FOCAD: variants seen among roughly 807,000 people sequenced by gnomAD.
FOCAD encodes KIAA1797.
A neutral mutation model predicts 225.6 loss-of-function variants in FOCAD; 198 were observed. That is an observed-to-expected ratio of 0.88 (90% confidence interval 0.78 to 0.99). The LOEUF is 0.99. FOCAD is among the 50% of genes least tolerant of loss of function. The probability of loss-of-function intolerance (pLI) is 0.00; values close to 1 mark genes in which losing one functional copy is unlikely to be tolerated. For missense variants in FOCAD, 2,713 were observed against 2,123.6 expected, an observed-to-expected ratio of 1.28 and a Z score of -5.46; for synonymous variants, 897 against 755.0, an observed-to-expected ratio of 1.19 and a Z score of -3.08.
intron 10 of FOCAD, among the ~76,000 whole-genome samples, chr9:20,783,004 C>G (rs1038492212): frequency 6.6e-6 from 1 of 152,132 alleles, no homozygotes; most frequent in African/African-American, 2.4e-5. Context: ...AAAATCCGAT[C>G]AAAAAATTCT....
At position 20,865,970 on chromosome 9, in the gene FOCAD, A is replaced by C. The variant is rs1389490270; in HGVS notation, c.2100A>C (p.Gln700His). 1.2e-6 allele frequency: 2 copies of C among 1,607,584 alleles called. No homozygotes were observed. Among genetic ancestry groups the C allele is most frequent in the African/African-American group, 2.7e-5 (2 of 74,630 alleles). The change falls in exon 17 of 44, where the codon CAA (glutamine) becomes CAC (histidine). Residue 700 changes from glutamine to histidine, a missense_variant. Physicochemically the swap from Gln to His is conservative, Grantham distance 24. Transcript: ENST00000338382. ...QVLSFLWTHT[Q>H]NKDPIVANAA... is the part of the protein sequence containing the mutation. The stretch of plus-strand genomic sequence containing the variant: ...TCAGCTTCCTCTGGACTCATACTCA[A>C]AACAAGGTACTATCACAAGGCTTGT...
chr9:20,926,125 ATTTGTCAACTACCT>A (rs1834917349), intron 25 of FOCAD, among the ~76,000 whole-genome samples, 162 bp from the exon 26 acceptor site: 3 of 148,896 alleles, frequency 2.0e-5, no homozygotes, highest in Non-Finnish European at 4.5e-5. Flanking sequence ...GAGGATGTAT[ATTTGTCAACTACCT>A]GTATACCTCA....
At chr9:20,934,292 T>A (rs1293973255) in intron 28 of FOCAD, among the ~76,000 whole-genome samples, 1 of 152,202 alleles carries the variant, frequency 6.6e-6, no homozygotes, top group Non-Finnish European at 1.5e-5. Context: ...TAAGCCAATG[T>A]CTAGAAGGGT....
At chr9:20,658,658 A>G (rs1200408229) in intron 1 of FOCAD, 2 of 154,962 alleles carry the variant, frequency 1.3e-5, no homozygotes, top group Admixed American at 1.3e-4. Context: ...GCATGCACCC[A>G]CTGACCTGCG....
rs1209385485 is a variant in FOCAD, at chr9:20,978,431, C to T, written c.4354C>T (p.Pro1452Ser). Residue 1452 changes from proline to serine, a missense_variant, in exon 37 of 44, where the codon CCA becomes TCA. By Grantham distance (74) the Pro-to-Ser change is moderately conservative. Coordinates refer to ENST00000338382, the MANE Select transcript of FOCAD (RefSeq NM_001375567.1). Reference protein sequence around the residue: ...AAALLGLWVTPPLIHSLSLNT... With the variant: ...AAALLGLWVTSPLIHSLSLNT... ...TGCACTATTGGGCTTGTGGGTGACA[C>T]CACCACTGATCCACAGTCTGAGTGT... 6.2e-7 allele frequency: 1 copy of T among 1,610,720 alleles called. No individual in the cohort carries two copies. The highest frequency in any genetic ancestry group is 1.1e-5 in the South Asian group (1 of 90,500).
intron 35 of FOCAD, among the ~76,000 whole-genome samples, chr9:20,962,814 CA>C (rs1170728579): frequency 1.3e-5 from 2 of 152,206 alleles, no homozygotes; most frequent in African/African-American, 4.8e-5. Flanking sequence ...TAGGCCTTCT[CA>C]GTTCCAAATC....
upstream of FOCAD, among the ~76,000 whole-genome samples, chr9:20,679,334 G>T (rs999907436): frequency 6.6e-6 from 1 of 152,096 alleles, no homozygotes; most frequent in Admixed American, 6.6e-5. Flanking sequence ...TGACACTGGA[G>T]CTCTGTGATT....
intron 2 of FOCAD, among the ~76,000 whole-genome samples, chr9:20,665,261 TATGATAGTG>T (rs1338075090): frequency 1.3e-5 from 2 of 151,994 alleles, no homozygotes; most frequent in African/African-American, 4.8e-5. Flanking sequence ...TATAGAAGAG[TATGATAGTG>T]ATGATAGTGA....
intron 11 of FOCAD, among the ~76,000 whole-genome samples, chr9:20,813,083 A>G (rs1823261527): frequency 6.6e-6 from 1 of 152,050 alleles, no homozygotes; most frequent in South Asian, 2.1e-4. Context: ...GAGTTTGACC[A>G]CTTTAGATAC....
intron 21 of FOCAD, among the ~76,000 whole-genome samples, chr9:20,902,021 C>G (rs1040886993): frequency 6.6e-6 from 1 of 151,830 alleles, no homozygotes; most frequent in Non-Finnish European, 1.5e-5. Flanking sequence ...CAAATACTTG[C>G]TTATGATAGT....
At chr9:20,805,063 C>T (rs566958947) in intron 11 of FOCAD, among the ~76,000 whole-genome samples, 5 of 152,248 alleles carry the variant, frequency 3.3e-5, no homozygotes, top group African/African-American at 4.8e-5. Context: ...GGGAAATTCA[C>T]GATAGCATGA....
chr9:20,912,224 G>A (rs1027611030), intron 22 of FOCAD, among the ~76,000 whole-genome samples: 1 of 151,928 alleles, frequency 6.6e-6, no homozygotes, highest in Admixed American at 6.6e-5. Flanking sequence ...GAGTAGAGGG[G>A]GAAGCATCTG....
At chr9:20,987,497 G>C (rs1287424787) in intron 40 of FOCAD, among the ~76,000 whole-genome samples, 2 of 150,342 alleles carry the variant, frequency 1.3e-5, no homozygotes, top group East Asian at 3.9e-4. Flanking sequence ...GACAGAGCGA[G>C]ACTGCATCTT....
chr9:20,739,384 A>C (rs559552999), intron 4 of FOCAD, among the ~76,000 whole-genome samples: 1 of 152,266 alleles, frequency 6.6e-6, no homozygotes, highest in South Asian at 2.1e-4. Context: ...CAGGCGGGTC[A>C]CCTAAGGTCA....
At position 20,966,040 on chromosome 9, in the gene FOCAD, A is replaced by G. The variant is rs182496070; in HGVS notation, c.4133-10380A>G. On this transcript the variant is annotated intron_variant, in intron 35 of 43. Coordinates refer to ENST00000338382, the MANE Select transcript of FOCAD (RefSeq NM_001375567.1). ...CACCTTTTTTCAATTCTCTTGGTGT[A>G]TATATATATCTAGAAGTGGAATTGC... is the stretch of plus-strand genomic sequence containing the variant. Among the ~76,000 whole-genome samples, 630 of 152,118 alleles carry G rather than the reference A, an allele frequency of 4.1e-3. 7 individuals carry two copies. The highest frequency in any genetic ancestry group is 0.026 in the Admixed American group (392 of 15,276).
intron 40 of FOCAD, among the ~76,000 whole-genome samples, chr9:20,986,992 C>G (rs1841230040): frequency 6.6e-6 from 1 of 152,120 alleles, no homozygotes; most frequent in African/African-American, 2.4e-5. Flanking sequence ...AGACGTTATG[C>G]TTTAATAATT....
At chr9:20,995,360 T>TAA (rs371481104) in intron 43 of FOCAD, among the ~76,000 whole-genome samples, 196 bp from the exon 44 acceptor site, 109 of 52,454 alleles carry the variant, frequency 2.1e-3, no homozygotes, top group East Asian at 0.011. Flanking sequence ...CAGGGTAACT[T>TAA]AAAAAAAAAA....
intron 15 of FOCAD, among the ~76,000 whole-genome samples, chr9:20,826,785 T>G (rs1378774313): frequency 6.6e-6 from 1 of 152,086 alleles, no homozygotes; most frequent in East Asian, 1.9e-4. Context: ...CTTTGGTTAC[T>G]CCCGGGCTTG....
chr9:20,899,344 T>A (rs1832372972), intron 21 of FOCAD, among the ~76,000 whole-genome samples: 1 of 151,880 alleles, frequency 6.6e-6, no homozygotes, highest in Non-Finnish European at 1.5e-5. Context: ...ATTCTTAGCC[T>A]CCAGCCATTC....
Sources: allele counts gnomAD v4.1 joint callset (sites outside exome capture counted in the v4.1 genomes callset), GRCh38; gene constraint gnomAD v4.1.1; transcripts MANE v1.5; gene names NCBI Gene and HGNC (gene_info 2026-07-23, HGNC 2026-07-21).